Variants in SPIDR observed in about 807,000 individuals in gnomAD.
The protein encoded by SPIDR is DNA repair-scaffolding protein.
Under a neutral mutation model 104.6 loss-of-function variants are expected in SPIDR, and 93 were observed. The ratio of observed to expected loss-of-function variants is 0.89; its 90% CI spans 0.75 to 1.06. SPIDR has a LOEUF of 1.06. Among genes scored for constraint, SPIDR ranks in the 50% least tolerant of loss-of-function variants. The pLI, the probability that SPIDR is intolerant of heterozygous loss-of-function variation, is 0.00. For missense variants in SPIDR, 1,154 were observed against 1,111.2 expected (o/e 1.04, Z -0.55); for synonymous variants, 431 against 416.9 (o/e 1.03, Z -0.41).
intron 8 of SPIDR, among the ~76,000 whole-genome samples, chr8:47,495,059 T>A (rs1448368878): frequency 6.6e-6 from 1 of 152,206 alleles, no homozygotes; most frequent in Non-Finnish European, 1.5e-5. Context: ...AGTATTTTTG[T>A]AAAGTTACTG....
chr8:47,728,779 G>A (rs368823229), intron 17 of SPIDR, 154 bp from the exon 18 acceptor site: 34 of 773,472 alleles, frequency 4.4e-5, no homozygotes, highest in South Asian at 3.1e-4. Flanking sequence ...CTGAGTCCAG[G>A]CAGCTGCAGG....
At chr8:47,689,487 TGAG>T (rs1196999236) in intron 11 of SPIDR, among the ~76,000 whole-genome samples, 1 of 152,224 alleles carries the variant, frequency 6.6e-6, no homozygotes, top group Non-Finnish European at 1.5e-5. Flanking sequence ...ACTTCACAGA[TGAG>T]GAGCTTGAAG....
chr8:47,490,184 G>A (rs540428684), intron 8 of SPIDR, among the ~76,000 whole-genome samples: 37 of 152,330 alleles, frequency 2.4e-4, no homozygotes, highest in Admixed American at 8.5e-4. Context: ...AAAAGTGGGC[G>A]AAGGATATGA....
At position 47,378,484 on chromosome 8, in the gene SPIDR, T is replaced by G. The variant is rs577745669; in HGVS notation, c.526-17892T>G. ...TAATTGCAGCTATCAAAGTTAAATGTTATCTACATACATATAGATTTTACT... is the reference window on the plus strand; with the variant it reads ...TAATTGCAGCTATCAAAGTTAAATGGTATCTACATACATATAGATTTTACT... On this transcript the variant is annotated intron_variant, in intron 5 of 19. Transcript: ENST00000297423. Among the ~76,000 whole-genome samples, 15 of 152,374 alleles carry G rather than the reference T, an allele frequency of 9.8e-5. No individual in the cohort carries two copies. The South Asian group carries it at 2.9e-3, about 29-fold the overall frequency.
chr8:47,471,472 A>G (rs1417836045), intron 8 of SPIDR, among the ~76,000 whole-genome samples: 2 of 152,224 alleles, frequency 1.3e-5, no homozygotes, highest in African/African-American at 4.8e-5. Flanking sequence ...CAAAGCCGCA[A>G]TGAAATACCA....
chr8:47,465,507 C>T (rs1586168061), intron 8 of SPIDR, among the ~76,000 whole-genome samples: 2 of 152,228 alleles, frequency 1.3e-5, no homozygotes, highest in South Asian at 4.1e-4. Flanking sequence ...TCAAGGCGGG[C>T]AGATCATTTG....
chr8:47,705,729 C>A (rs1314611101), intron 14 of SPIDR, among the ~76,000 whole-genome samples: 1 of 152,150 alleles, frequency 6.6e-6, no homozygotes, highest in Non-Finnish European at 1.5e-5. Flanking sequence ...CAAAGCACGA[C>A]CCCGTCTCTA....
At chr8:47,298,229 C>T (rs1412498958) in intron 5 of SPIDR, among the ~76,000 whole-genome samples, 6 of 152,160 alleles carry the variant, frequency 3.9e-5, no homozygotes, top group African/African-American at 7.2e-5. Context: ...CATCTTTTCA[C>T]GTGTCTTTTG....
intron 5 of SPIDR, among the ~76,000 whole-genome samples, chr8:47,392,512 T>G (rs1441551122): frequency 2.0e-5 from 3 of 152,264 alleles, no homozygotes; most frequent in African/African-American, 7.2e-5. Context: ...TAGTTGGCAT[T>G]CAGTATATTC....
chr8:47,521,276 T>A (rs1300313076), intron 8 of SPIDR, among the ~76,000 whole-genome samples: 1 of 152,176 alleles, frequency 6.6e-6, no homozygotes, highest in Non-Finnish European at 1.5e-5. Flanking sequence ...GTGTTTCACA[T>A]TTCTTCCTTT....
At chr8:47,683,900 G>T (rs1302784665) in intron 11 of SPIDR, among the ~76,000 whole-genome samples, 2 of 152,036 alleles carry the variant, frequency 1.3e-5, no homozygotes, top group African/African-American at 2.4e-5. Flanking sequence ...GCTGAGGCGG[G>T]TGGATCACGA....
chr8:47,428,330 G>A (rs540581594), intron 7 of SPIDR, among the ~76,000 whole-genome samples: 1 of 152,264 alleles, frequency 6.6e-6, no homozygotes, highest in South Asian at 2.1e-4. Flanking sequence ...TCTTTGATGC[G>A]GTATTTTCCA....
At chr8:47,292,715 C>T (rs1310570916) in intron 4 of SPIDR, among the ~76,000 whole-genome samples, 7 of 152,132 alleles carry the variant, frequency 4.6e-5, no homozygotes, top group East Asian at 3.9e-4. Context: ...AGTTTTGTGA[C>T]GAAAGCCCCC....
chr8:47,457,356 T>C (rs2154351561), intron 8 of SPIDR, among the ~76,000 whole-genome samples: 1 of 152,244 alleles, frequency 6.6e-6, no homozygotes, highest in Admixed American at 6.5e-5. Flanking sequence ...CCGTGATCAT[T>C]GGTGATGTTG....
intron 8 of SPIDR, among the ~76,000 whole-genome samples, chr8:47,513,754 T>C (rs762493843): frequency 3.3e-5 from 5 of 152,196 alleles, no homozygotes; most frequent in African/African-American, 9.7e-5. Context: ...TTTTTAGATA[T>C]AAGGGTGAGG....
At chr8:47,444,142 A>G (rs1447855366) in intron 8 of SPIDR, among the ~76,000 whole-genome samples, 1 of 152,224 alleles carries the variant, frequency 6.6e-6, no homozygotes. Context: ...AGCTTTTACT[A>G]CTCAAGCAAA....
intron 10 of SPIDR, among the ~76,000 whole-genome samples, chr8:47,658,129 G>A (rs571657364): frequency 3.3e-5 from 5 of 151,188 alleles, no homozygotes; most frequent in East Asian, 2.0e-4. Flanking sequence ...CAAATTATAC[G>A]ACGTCTTGGC....
intron 5 of SPIDR, among the ~76,000 whole-genome samples, chr8:47,372,532 A>C (rs148225572): frequency 1.6e-4 from 24 of 152,306 alleles, no homozygotes; most frequent in African/African-American, 5.5e-4. Flanking sequence ...AAGCTGAGGC[A>C]GGAGAATCGC....
chr8:47,533,851 C>A (rs2086447502), intron 8 of SPIDR, among the ~76,000 whole-genome samples: 1 of 152,198 alleles, frequency 6.6e-6, no homozygotes, highest in African/African-American at 2.4e-5. Flanking sequence ...TTGTGGAAAG[C>A]AGTATGGTGA....
Sources: gnomAD v4.1 joint callset for allele counts (sites outside exome capture counted in the v4.1 genomes callset) on GRCh38, gnomAD v4.1.1 for gene constraint, MANE v1.5 for transcripts, NCBI Gene and HGNC (gene_info 2026-07-23, HGNC 2026-07-21) for gene names.